TCF20: variants seen among roughly 807,000 people sequenced by gnomAD.
TCF20 encodes SPRE-binding protein.
In TCF20, 3 loss-of-function variants were observed where a neutral mutation model predicts 148.6. The observed-to-expected ratio is 0.02, with a 90% CI of 0.01 to 0.05. TCF20 has a LOEUF of 0.05. TCF20 is among the 10% of genes least tolerant of loss of function. The pLI is 1.00. For synonymous variants in TCF20, 1,049 were observed against 909.5 expected, an observed-to-expected ratio of 1.15 and a Z score of -2.76; for missense variants, 2,350 against 2,429.3, an observed-to-expected ratio of 0.97 and a Z score of 0.69.
intron 1 of TCF20, among the ~76,000 whole-genome samples, chr22:42,230,623 C>T (rs997882212): frequency 1.3e-5 from 2 of 148,624 alleles, no homozygotes; most frequent in Admixed American, 6.8e-5. Flanking sequence ...CCAGTCTGGG[C>T]GACAGAGAGA....
intron 2 of TCF20, among the ~76,000 whole-genome samples, chr22:42,192,535 G>A (rs1302106386): frequency 4.6e-5 from 7 of 152,188 alleles, no homozygotes; most frequent in Non-Finnish European, 1.0e-4. Flanking sequence ...GGGGCAGCCT[G>A]ACAGGACAGA....
At chr22:42,278,742 C>G (rs187560600) in intron 1 of TCF20, 1 of 152,294 alleles carries the variant, frequency 6.6e-6, no homozygotes, top group Non-Finnish European at 1.5e-5. Flanking sequence ...GCATTACCTG[C>G]GTCCACTCGT....
At chr22:42,337,523 G>A (rs1928086625) in intron 1 of TCF20, among the ~76,000 whole-genome samples, 1 of 152,090 alleles carries the variant, frequency 6.6e-6, no homozygotes. Flanking sequence ...CTCTGCCTAA[G>A]GGCTCTTCCC....
In TCF20 at chr22:42,210,639, GGCTGCT is replaced by G. The variant is rs1920938455; in HGVS notation, c.4661_4666del (p.Gln1554_Gln1555del). The G allele has an allele frequency of 6.2e-7, 1 of 1,614,116 alleles. No individual in the cohort carries two copies. The highest frequency in any genetic ancestry group is 8.5e-7 in the Non-Finnish European group (1 of 1,180,022). On this transcript the variant is annotated inframe_deletion, in exon 2 of 6. Transcript: ENST00000677622. The surrounding 1 kb of genome is among the most constrained non-coding windows in gnomAD (Gnocchi z 4.7). ...TGGGGGCTGAGGGGGTGGAGGCGGT[GGCTGCT>G]GCTGTTTCTTTTGCTTATTCACACT...
intron 1 of TCF20, among the ~76,000 whole-genome samples, chr22:42,233,141 C>T (rs940984574): frequency 7.9e-5 from 12 of 152,060 alleles, no homozygotes; most frequent in African/African-American, 1.4e-4. Flanking sequence ...AGACTGGTCT[C>T]GGACTCCTGA....
intron 2 of TCF20, among the ~76,000 whole-genome samples, chr22:42,204,293 A>C (rs555996516): frequency 1.2e-4 from 19 of 152,264 alleles, no homozygotes; most frequent in African/African-American, 4.3e-4. Flanking sequence ...TCAGGAGTTC[A>C]AGGCCAGCTT....
At chr22:42,323,876 TGGTGGTGATGGAGGTTATGGTGGTGGA>T (rs1252409475) in intron 1 of TCF20, among the ~76,000 whole-genome samples, 3 of 129,866 alleles carry the variant, frequency 2.3e-5, no homozygotes, top group African/African-American at 5.2e-5. Context: ...GTGGTGGTGG[TGGTGGTGATGGAGGTTATGGTGGTGGA>T]GGTGGTGGTG....
intron 2 of TCF20, among the ~76,000 whole-genome samples, chr22:42,202,960 G>A (rs879930290): frequency 6.6e-6 from 1 of 152,178 alleles, no homozygotes; most frequent in Admixed American, 6.6e-5. Flanking sequence ...TTCCAGTAGA[G>A]ACTCAAGATA....
rs759118027 is a variant in TCF20 at position 42,216,079 on chromosome 22, C to CTTTTTTTTTTTTTTTTTTTTTT, written c.-36-760_-36-739dup. Among the ~76,000 whole-genome samples, 21 of 50,570 alleles carry CTTTTTTTTTTTTTTTTTTTTTT rather than the reference C, an allele frequency of 4.2e-4. 4 individuals are homozygous for CTTTTTTTTTTTTTTTTTTTTTT. The highest frequency in any genetic ancestry group is 1.3e-3 in the East Asian group (2 of 1,526). The allele number at this position is 50,570 out of a possible 152,430, so 33.2% of individuals were successfully genotyped here. ...GGTGTGGGGTAAGAAAAACCAAATC[C>CTTTTTTTTTTTTTTTTTTTTTT]TTTTTTTTTTTTTTTTTTTTTTTTT... On this transcript the variant is annotated intron_variant, in intron 1 of 5. Transcript: ENST00000677622.
chr22:42,160,398 TCACACTGC>T lies in TCF20; in HGVS notation c.*997_*1004del, dbSNP rs1935354067. The T allele has an allele frequency of 6.6e-6, 1 of 152,628 alleles. No homozygotes were observed. The highest frequency in any genetic ancestry group is 6.5e-5 in the Admixed American group (1 of 15,278). The allele number at this position is 152,628 out of a possible 1,614,324, so 9.5% of individuals were successfully genotyped here. A position where few individuals can be genotyped will look rare whatever the true frequency, so the allele number is the denominator to read the frequency against. ...GTCCCTCCCCGTCCCTGCCTACAGC[TCACACTGC>T]CAGCTCTGGCAACACAGGCCTGGAC... On this transcript the variant is annotated 3_prime_UTR_variant, in exon 6 of 6. Transcript: ENST00000677622.
chr22:42,277,181 A>C (rs1298878414), intron 1 of TCF20: 1 of 152,126 alleles, frequency 6.6e-6, no homozygotes, highest in Admixed American at 6.6e-5. Flanking sequence ...TTCCCTACAG[A>C]TTGAAATTAT....
In TCF20 at chr22:42,161,253, G is replaced by A. The variant is rs1601495357; in HGVS notation, c.*150C>T. On this transcript the variant is annotated 3_prime_UTR_variant, in exon 6 of 6. Coordinates refer to ENST00000677622, the MANE Select transcript of TCF20 (RefSeq NM_001378418.1). ...ACTTAAGGAAGTGCTGGCATGGGCA[G>A]GCACGCGGGCGGGGCGGGGCGGGGC... is the stretch of plus-strand genomic sequence containing the variant. The A allele has an allele frequency of 6.4e-7, 1 of 1,565,838 alleles. No homozygotes were observed. Among genetic ancestry groups the A allele is most frequent in the South Asian group, 1.1e-5 (1 of 89,534 alleles).
upstream of TCF20, among the ~76,000 whole-genome samples, chr22:42,273,396 C>G (rs1926695787): frequency 7.1e-6 from 1 of 140,176 alleles, no homozygotes; most frequent in African/African-American, 2.7e-5. Flanking sequence ...AAATTCAGTG[C>G]AGTACCAGGC....
chr22:42,247,439 CAAAAAAAAA>C (rs58249230), intron 1 of TCF20, among the ~76,000 whole-genome samples: 1 of 87,400 alleles, frequency 1.1e-5, no homozygotes, highest in Non-Finnish European at 2.3e-5. Flanking sequence ...GACTCCATCT[CAAAAAAAAA>C]AAAAAAAAAG....
At chr22:42,199,245 G>A (rs1937812936) in intron 2 of TCF20, among the ~76,000 whole-genome samples, 1 of 152,054 alleles carries the variant, frequency 6.6e-6, no homozygotes, top group African/African-American at 2.4e-5. Flanking sequence ...CAGCACAGAT[G>A]GTGCCAGCAC....
At chr22:42,328,807 G>C (rs144404964) in intron 1 of TCF20, among the ~76,000 whole-genome samples, 1 of 152,088 alleles carries the variant, frequency 6.6e-6, no homozygotes, top group Non-Finnish European at 1.5e-5. Context: ...TGCCCCAGAC[G>C]GGGGGGAAAG....
rs1229168493 is a variant in TCF20 at position 42,210,096 on chromosome 22, G to A, written c.5210C>T (p.Pro1737Leu). 5 of 1,613,930 alleles carry A rather than the reference G, an allele frequency of 3.1e-6. No individual in the cohort carries two copies. Among genetic ancestry groups the A allele is most frequent in the Non-Finnish European group, 4.2e-6 (5 of 1,180,052 alleles). ...QDYAATLPKN[P>L]PPKRATEMQS... ...CATTTCTGTGGCCCTCTTAGGAGGT[G>A]GATTCTTCGGGAGAGTGGCTGCATA... Residue 1737 changes from proline to leucine, a missense_variant, in exon 2 of 6, where the codon CCA becomes CTA. This residue lies in a region of TCF20 where 374 missense variants were observed against 398.3 expected (regional missense o/e 0.94). Transcript: ENST00000677622. This position sits in a 1 kb window ranked among gnomAD's most constrained non-coding sequence, Gnocchi z 4.7.
At chr22:42,311,753 G>A (rs527282043) in intron 1 of TCF20, among the ~76,000 whole-genome samples, 3 of 152,234 alleles carry the variant, frequency 2.0e-5, no homozygotes, top group Non-Finnish European at 2.9e-5. Context: ...GTGCAATCCC[G>A]GGCACCCTGC....
upstream of TCF20, among the ~76,000 whole-genome samples, chr22:42,270,688 G>A (rs1177613612): frequency 3.5e-5 from 5 of 142,278 alleles, no homozygotes; most frequent in Non-Finnish European, 7.8e-5. Context: ...CCAATGGGGA[G>A]GCTCCGGGCC....
Sources: gnomAD v4.1 joint callset for allele counts (sites outside exome capture counted in the v4.1 genomes callset) on GRCh38, gnomAD v4.1.1 for gene constraint, gnomAD v4.1.1 regional missense constraint, Gnocchi (gnomAD v3.1) non-coding constraint, MANE v1.5 for transcripts, NCBI Gene and HGNC (gene_info 2026-07-23, HGNC 2026-07-21) for gene names.